The following ANKRD44 variants were observed in gnomAD, a reference collection of about 807,000 sequenced individuals.
ANKRD44 encodes ankyrin repeat domain 44.
A neutral mutation model predicts 116.0 loss-of-function variants in ANKRD44; 35 were observed. The observed-to-expected ratio is 0.30, with a 90% CI of 0.23 to 0.40. ANKRD44 has a LOEUF of 0.40. Among genes scored for constraint, ANKRD44 ranks in the 10% least tolerant of loss-of-function variants. ANKRD44 has a pLI of 1.00. For synonymous variants in ANKRD44, 435 were observed against 461.8 expected, an observed-to-expected ratio of 0.94 and a Z score of 0.74; for missense variants, 1,014 against 1,242.6, an observed-to-expected ratio of 0.82 and a Z score of 2.77.
intron 2 of ANKRD44, among the ~76,000 whole-genome samples, chr2:197,166,418 A>G (rs1447440660): frequency 6.6e-6 from 1 of 152,212 alleles, no homozygotes; most frequent in African/African-American, 2.4e-5. Flanking sequence ...TGAATGAGTA[A>G]GGATCCCTGT....
At chr2:197,110,258 G>A (rs990398647) in intron 9 of ANKRD44, among the ~76,000 whole-genome samples, 8 of 152,256 alleles carry the variant, frequency 5.3e-5, no homozygotes, top group East Asian at 1.9e-4. Flanking sequence ...GATTACAGAC[G>A]TGAGCCACCA....
intron 4 of ANKRD44, among the ~76,000 whole-genome samples, chr2:197,128,078 T>G (rs1210974291): frequency 6.6e-6 from 1 of 152,222 alleles, no homozygotes; most frequent in East Asian, 1.9e-4. Context: ...TTGATGGACA[T>G]GTGGGTTGAT....
chr2:197,147,553 T>C (rs1305954655), intron 2 of ANKRD44, among the ~76,000 whole-genome samples: 1 of 152,160 alleles, frequency 6.6e-6, no homozygotes, highest in African/African-American at 2.4e-5. Flanking sequence ...AACATAACTG[T>C]GGTCATTTTC....
chr2:196,983,345 A>G (rs2075816188), downstream of ANKRD44, among the ~76,000 whole-genome samples: 1 of 152,122 alleles, frequency 6.6e-6, no homozygotes, highest in South Asian at 2.1e-4. Context: ...GATCGCTGTT[A>G]ATCTTCTGCC....
chr2:197,285,006 T>A (rs911650408), intron 1 of ANKRD44, among the ~76,000 whole-genome samples: 1 of 151,730 alleles, frequency 6.6e-6, no homozygotes, highest in African/African-American at 2.4e-5. Flanking sequence ...GATAGCCCTC[T>A]CTCAGATGGC....
chr2:197,253,665 A>G (rs942902314), intron 1 of ANKRD44, among the ~76,000 whole-genome samples: 3 of 152,222 alleles, frequency 2.0e-5, no homozygotes, highest in African/African-American at 7.2e-5. Context: ...CTAACTCTCC[A>G]AGATATTCCC....
chr2:197,071,611 G>C (rs1245445183), intron 16 of ANKRD44, among the ~76,000 whole-genome samples: 1 of 152,142 alleles, frequency 6.6e-6, no homozygotes, highest in Non-Finnish European at 1.5e-5. Flanking sequence ...TATGGTTCAA[G>C]ATATTGCTTA....
intron 1 of ANKRD44, among the ~76,000 whole-genome samples, chr2:197,265,161 T>C (rs2105749605): frequency 6.6e-6 from 1 of 151,646 alleles, no homozygotes; most frequent in East Asian, 1.9e-4. Context: ...CCATTCCACA[T>C]GCCAGGTAGC....
intron 10 of ANKRD44, among the ~76,000 whole-genome samples, chr2:197,092,882 A>T (rs889835789): frequency 6.6e-6 from 1 of 152,144 alleles, no homozygotes; most frequent in African/African-American, 2.4e-5. Flanking sequence ...CATGTTTTAA[A>T]ACCTCCTTAT....
chr2:196,967,844 T>C (rs887216458), intron 21 of ANKRD44, among the ~76,000 whole-genome samples: 1 of 152,072 alleles, frequency 6.6e-6, no homozygotes, highest in African/African-American at 2.4e-5. Context: ...TGCTGAATTG[T>C]AATCCCCAAT....
intron 8 of ANKRD44, among the ~76,000 whole-genome samples, chr2:197,111,594 G>A (rs1287971038): frequency 2.0e-5 from 3 of 149,878 alleles, no homozygotes; most frequent in African/African-American, 4.9e-5. Flanking sequence ...AGCCAAGATC[G>A]TGCCACTGCA....
At chr2:197,109,194 A>T (rs1358778293) in intron 9 of ANKRD44, among the ~76,000 whole-genome samples, 1 of 152,218 alleles carries the variant, frequency 6.6e-6, no homozygotes, top group Non-Finnish European at 1.5e-5. Context: ...GTTTGTTTTT[A>T]AAGGGGGGTG....
chr2:197,051,234 T>C (rs1485160160), intron 16 of ANKRD44, among the ~76,000 whole-genome samples: 1 of 152,154 alleles, frequency 6.6e-6, no homozygotes, highest in African/African-American at 2.4e-5. Context: ...ATGCTGGAAT[T>C]ACAGGCATGA....
Position 196,998,371 on chromosome 2 carries a change from T to C in ANKRD44, c.2714A>G (p.Asp905Gly). Reference sequence around the variant, plus strand: ...AGCCAAATGTAAGGGTGTATTCAAGTCCTTATCCTTTACAGTCAGATCAGC... The same window carrying C: ...AGCCAAATGTAAGGGTGTATTCAAGCCCTTATCCTTTACAGTCAGATCAGC... ...AQADLTVKDK[D>G]LNTPLHLACS... Residue 905 changes from aspartate to glycine, a missense_variant, in exon 25 of 28, where the codon GAC becomes GGC. Asp to Gly is a moderately conservative substitution (Grantham distance 94). Coordinates refer to ENST00000282272, the MANE Select transcript of ANKRD44 (RefSeq NM_001195144.2). The C allele has an allele frequency of 6.2e-7, 1 of 1,613,950 alleles. No homozygotes were observed. The highest frequency in any genetic ancestry group is 8.5e-7 in the Non-Finnish European group (1 of 1,179,900).
At chr2:197,136,231 AACTG>A in intron 4 of ANKRD44, 1 of 260,274 alleles carries the variant, frequency 3.8e-6, no homozygotes, top group South Asian at 4.6e-5. Context: ...GGACCAGATC[AACTG>A]ACATCTCTTC....
intron 1 of ANKRD44, among the ~76,000 whole-genome samples, chr2:197,204,099 G>A (rs189038330): frequency 2.0e-5 from 3 of 151,980 alleles, no homozygotes; most frequent in African/African-American, 7.3e-5. Flanking sequence ...GGTGTATTTT[G>A]CCACAATAAA....
chr2:196,972,641 A>G (rs936494189), intron 21 of ANKRD44, among the ~76,000 whole-genome samples: 21 of 152,384 alleles, frequency 1.4e-4, no homozygotes, highest in Non-Finnish European at 2.6e-4. Context: ...AATAGCTGAT[A>G]TGCAAGTCTA....
Position 197,088,878 on chromosome 2 carries a change from A to G in ANKRD44, c.1184-104T>C, listed in dbSNP as rs763058964. On this transcript the variant is annotated intron_variant, in intron 11 of 27. Transcript: ENST00000282272. ...CAGAGACAGAAAAATCAGTTAGTAG[A>G]AAAACCAGAATGCAAGCAATTGTAG... 3 of 1,286,124 alleles carry G rather than the reference A, an allele frequency of 2.3e-6. No individual in the cohort carries two copies. The East Asian group carries it at 7.7e-5, about 33-fold the overall frequency. 79.7% of individuals were successfully genotyped at this position (1,286,124 alleles called of 1,614,324 possible). A position where few individuals can be genotyped will look rare whatever the true frequency, so the allele number is the denominator to read the frequency against.
chr2:197,265,715 A>C (rs1416165917), intron 1 of ANKRD44, among the ~76,000 whole-genome samples: 3 of 152,204 alleles, frequency 2.0e-5, no homozygotes, highest in African/African-American at 7.2e-5. Context: ...TTATGAACAA[A>C]GCATATTAAA....
Sources: allele counts gnomAD v4.1 joint callset (sites outside exome capture counted in the v4.1 genomes callset), GRCh38; gene constraint gnomAD v4.1.1; transcripts MANE v1.5; gene names NCBI Gene and HGNC (gene_info 2026-07-23, HGNC 2026-07-21).